YIPF7: variants seen among roughly 807,000 people sequenced by gnomAD.
The protein encoded by YIPF7 is Yip1 domain family member 7.
Under a neutral mutation model 27.2 loss-of-function variants are expected in YIPF7, and 35 were observed. The ratio of observed to expected loss-of-function variants is 1.29; its 90% CI spans 0.98 to 1.70. The LOEUF (loss-of-function observed/expected upper bound fraction) is 1.70, where lower values mean the gene tolerates loss of function less well. Among genes scored for constraint, YIPF7 ranks in the 40% most tolerant of loss-of-function variants. YIPF7 has a pLI of 0.00. For synonymous variants in YIPF7, 137 were observed against 110.4 expected (o/e 1.24, Z -1.51); for missense variants, 358 against 303.7 (o/e 1.18, Z -1.33).
At chr4:44,635,208 G>A (rs537639521) in intron 3 of YIPF7, among the ~76,000 whole-genome samples, 6 of 151,906 alleles carry the variant, frequency 3.9e-5, no homozygotes, top group Non-Finnish European at 8.8e-5. Context: ...TTGGGTTTTA[G>A]CGTCTTAACG....
At chr4:44,623,217 T>A (rs1046248567) in intron 5 of YIPF7, among the ~76,000 whole-genome samples, 1 of 152,172 alleles carries the variant, frequency 6.6e-6, no homozygotes, top group African/African-American at 2.4e-5. Context: ...AGTGAGCAAA[T>A]AAGATAGTTA....
chr4:44,627,858 A>G (rs1712730325), intron 4 of YIPF7, among the ~76,000 whole-genome samples: 1 of 152,126 alleles, frequency 6.6e-6, no homozygotes, highest in Admixed American at 6.5e-5. Flanking sequence ...TCTCGCTTCC[A>G]GTTAAGAATT....
chr4:44,654,123 T>C (rs1196481354), upstream of YIPF7, among the ~76,000 whole-genome samples: 3 of 152,050 alleles, frequency 2.0e-5, no homozygotes, highest in East Asian at 3.9e-4. Context: ...TAATGGACCA[T>C]TAATGCATAG....
chr4:44,625,953 T>G (rs1364725911), intron 4 of YIPF7, among the ~76,000 whole-genome samples: 1 of 152,194 alleles, frequency 6.6e-6, no homozygotes, highest in African/African-American at 2.4e-5. Flanking sequence ...ATAAATTGAT[T>G]CAGGAGAGAA....
chr4:44,631,400 T>C (rs569943520), intron 3 of YIPF7, among the ~76,000 whole-genome samples: 2 of 152,266 alleles, frequency 1.3e-5, no homozygotes, highest in East Asian at 1.9e-4. Flanking sequence ...CAGAGGCACG[T>C]ATCATCTAAA....
At chr4:44,634,230 T>A (rs1204741142) in intron 3 of YIPF7, among the ~76,000 whole-genome samples, 2 of 152,212 alleles carry the variant, frequency 1.3e-5, no homozygotes, top group Non-Finnish European at 2.9e-5. Context: ...AAAGAATGCT[T>A]GCATAGAAGT....
At chr4:44,656,457 G>T (rs1713903805), upstream of YIPF7, among the ~76,000 whole-genome samples, 1 of 151,904 alleles carries the variant, frequency 6.6e-6, no homozygotes, top group Non-Finnish European at 1.5e-5. Context: ...AACATATCAA[G>T]ATTATTAATT....
intron 2 of YIPF7, among the ~76,000 whole-genome samples, chr4:44,638,089 A>C (rs186009886): frequency 1.0e-3 from 157 of 152,322 alleles, no homozygotes; most frequent in African/African-American, 3.2e-3. Context: ...ACGTGAAAAA[A>C]TGCTCAACGT....
At chr4:44,645,124 G>A (rs774966028) in intron 2 of YIPF7, among the ~76,000 whole-genome samples, 7 of 152,102 alleles carry the variant, frequency 4.6e-5, no homozygotes, top group Non-Finnish European at 7.4e-5. Flanking sequence ...ACCCAGTCTC[G>A]AGAATTTCTT....
chr4:44,643,602 A>G (rs1239547324), intron 2 of YIPF7, among the ~76,000 whole-genome samples: 1 of 152,170 alleles, frequency 6.6e-6, no homozygotes, highest in Non-Finnish European at 1.5e-5. Flanking sequence ...CCTTTGTGTC[A>G]GTCCTTCCCA....
At chr4:44,651,518 T>C (rs1253556055) in intron 1 of YIPF7, 36 bp downstream of exon 1, 4 of 1,473,118 alleles carry the variant, frequency 2.7e-6, no homozygotes. Context: ...GTATTTTGTT[T>C]AAATGCCAAG....
At chr4:44,633,367 C>T (rs192932111) in intron 3 of YIPF7, among the ~76,000 whole-genome samples, 1 of 152,012 alleles carries the variant, frequency 6.6e-6, no homozygotes, top group East Asian at 1.9e-4. Flanking sequence ...ATTAATGCAA[C>T]AATAGAGACA....
intron 3 of YIPF7, among the ~76,000 whole-genome samples, chr4:44,630,910 C>A (rs539803251): frequency 6.6e-6 from 1 of 152,128 alleles, no homozygotes; most frequent in Non-Finnish European, 1.5e-5. Flanking sequence ...ATTTAGGGAC[C>A]AGCAATCAAA....
intron 2 of YIPF7, among the ~76,000 whole-genome samples, chr4:44,647,563 C>T (rs1179035646): frequency 6.6e-6 from 1 of 152,120 alleles, no homozygotes; most frequent in Non-Finnish European, 1.5e-5. Flanking sequence ...TCAAACTACT[C>T]CCTGTGCCTC....
At chr4:44,646,350 C>T (rs1713525754) in intron 2 of YIPF7, among the ~76,000 whole-genome samples, 1 of 152,132 alleles carries the variant, frequency 6.6e-6, no homozygotes, top group African/African-American at 2.4e-5. Flanking sequence ...TCTGGTTGGT[C>T]TAGCTGGGTA....
chr4:44,635,925 C>A lies in YIPF7; in HGVS notation c.277G>T (p.Glu93Ter). Residue 93 changes from glutamate to a stop codon, truncating the protein, a stop_gained, in exon 3 of 6, where the codon GAA (glutamate) becomes TAA (stop). Transcript: ENST00000415895. LOFTEE classifies it high-confidence loss of function. ...TAATAACACTTCCTTAACTTATCTT[C>A]TAGCAAAGGAGGCTCTTCATCAAAA... ...DSFDEEPPLL[E>*]ELGIHFDHIW... 6.2e-7 allele frequency: 1 copy of A among 1,613,586 alleles called. No homozygotes were observed. Among genetic ancestry groups the A allele is most frequent in the Non-Finnish European group, 8.5e-7 (1 of 1,179,682 alleles).
chr4:44,655,610 T>C (rs917727701), upstream of YIPF7, among the ~76,000 whole-genome samples: 2 of 152,066 alleles, frequency 1.3e-5, no homozygotes, highest in African/African-American at 4.8e-5. Flanking sequence ...AGGTTGTTTG[T>C]TACCAGTGTT....
At chr4:44,652,348 T>C (rs1238334751), upstream of YIPF7, among the ~76,000 whole-genome samples, 8 of 152,176 alleles carry the variant, frequency 5.3e-5, no homozygotes, top group African/African-American at 7.2e-5. Context: ...CTAGATCTGG[T>C]GTTCTCATCC....
rs758710102 is a variant in YIPF7 at position 44,629,559 on chromosome 4, GA to G, written c.281-12del. Reference sequence around the variant, plus strand: ...AATGGATTCCAAGTTCTGTAAAAAGGAAAAAAGATAAATAATATGATAACAT... The same window carrying G: ...AATGGATTCCAAGTTCTGTAAAAAGGAAAAAGATAAATAATATGATAACAT... On this transcript the variant is annotated splice_polypyrimidine_tract_variant and intron_variant, in intron 3 of 5. Transcript: ENST00000415895. The G allele has an allele frequency of 2.0e-6, 3 of 1,505,770 alleles. 1 individual carries two copies. The highest frequency in any genetic ancestry group is 2.7e-5 in the South Asian group (2 of 75,360). The allele number at this position is 1,505,770 out of a possible 1,614,324, so 93.3% of individuals were successfully genotyped here. A position where few individuals can be genotyped will look rare whatever the true frequency, so the allele number is the denominator to read the frequency against.
Sources: gnomAD v4.1 joint callset for allele counts (sites outside exome capture counted in the v4.1 genomes callset) on GRCh38, gnomAD v4.1.1 for gene constraint, MANE v1.5 for transcripts, NCBI Gene and HGNC (gene_info 2026-07-23, HGNC 2026-07-21) for gene names.